PCDHGA10: variants seen among roughly 807,000 people sequenced by gnomAD.
PCDHGA10 encodes the protein protocadherin gamma-A10.
PCDHGA10 carries 42 observed loss-of-function variants against 59.5 expected under a neutral mutation model. The ratio of observed to expected loss-of-function variants is 0.71; its 90% CI spans 0.55 to 0.91. The LOEUF is 0.91. Among genes scored for constraint, PCDHGA10 ranks in the 40% least tolerant of loss-of-function variants. PCDHGA10 has a pLI of 0.00. For synonymous variants in PCDHGA10, 511 were observed against 517.2 expected, an observed-to-expected ratio of 0.99 and a Z score of 0.16; for missense variants, 1,111 against 1,198.2, an observed-to-expected ratio of 0.93 and a Z score of 1.07.
At chr5:141,506,351 A>G (rs1029519620) in intron 3 of PCDHGA10, among the ~76,000 whole-genome samples, 2 of 150,784 alleles carry the variant, frequency 1.3e-5, no homozygotes, top group African/African-American at 4.9e-5. Context: ...TGGGAGGCTG[A>G]GGCAGGAGAA....
chr5:141,485,920 T>G lies in PCDHGA10; in HGVS notation c.2437-8887T>G. 4 of 1,614,038 alleles carry G rather than the reference T, an allele frequency of 2.5e-6. No individual in the cohort carries two copies. Among genetic ancestry groups the G allele is most frequent in the Non-Finnish European group, 3.4e-6 (4 of 1,180,010 alleles). ...CCTTCCAGCAATCCAGCTACAGGAT[T>G]AGTGTGTTGGAGAGCGCACCAGCGG... On this transcript the variant is annotated intron_variant, in intron 1 of 3. Transcript: ENST00000398610. The surrounding 1 kb of genome is among the most constrained non-coding windows in gnomAD (Gnocchi z 5.7).
intron 1 of PCDHGA10, chr5:141,427,047 C>T (rs1196561600): frequency 1.1e-5 from 5 of 457,294 alleles, no homozygotes; most frequent in Non-Finnish European, 1.8e-5. Flanking sequence ...GAATGTGCCC[C>T]CAGGCACCTC....
At chr5:141,421,613 A>G in intron 1 of PCDHGA10, 2 of 1,613,838 alleles carry the variant, frequency 1.2e-6, no homozygotes, top group South Asian at 2.2e-5. Flanking sequence ...GATATTAATG[A>G]TAACGCCCCC....
rs575244490 is a variant in PCDHGA10 at position 141,415,189 on chromosome 5, A to T, written c.2014A>T (p.Ile672Phe). The change falls in exon 1 of 4, where the codon ATC becomes TTC. Residue 672 changes from isoleucine to phenylalanine, a missense_variant. Transcript: ENST00000398610. ...GCTCACCGTGGCCGTGGCCGACAGC[A>T]TCCCCCAAGTCCTGGCGGACCTCGG... The part of the protein sequence containing the change: ...VTLTVAVADS[I>F]PQVLADLGSF... 2 of 1,613,840 alleles carry T rather than the reference A, an allele frequency of 1.2e-6. No individual in the cohort carries two copies. Among genetic ancestry groups the T allele is most frequent in the Non-Finnish European group, 1.7e-6 (2 of 1,180,020 alleles).
At chr5:141,426,775 A>G (rs2096959432) in intron 1 of PCDHGA10, 1 of 456,496 alleles carries the variant, frequency 2.2e-6, no homozygotes, top group South Asian at 1.5e-5. Context: ...GTAGGGCCTC[A>G]CTCTCTCCAG....
intron 1 of PCDHGA10, among the ~76,000 whole-genome samples, chr5:141,479,817 A>T (rs773702225): frequency 6.6e-6 from 1 of 152,230 alleles, no homozygotes; most frequent in Non-Finnish European, 1.5e-5. Flanking sequence ...CAAGGATACT[A>T]TCCAAGGCAT....
chr5:141,510,510 G>A (rs1042950478), intron 3 of PCDHGA10, among the ~76,000 whole-genome samples: 5 of 152,132 alleles, frequency 3.3e-5, no homozygotes, highest in Non-Finnish European at 5.9e-5. Context: ...CTGAGAGCCC[G>A]TGTCACAGCC....
chr5:141,445,973 G>A (rs563637331), intron 1 of PCDHGA10, among the ~76,000 whole-genome samples: 28 of 152,326 alleles, frequency 1.8e-4, no homozygotes, highest in African/African-American at 6.0e-4. Flanking sequence ...ATTGATTTAT[G>A]AGGGTTATAA....
intron 1 of PCDHGA10, among the ~76,000 whole-genome samples, chr5:141,436,839 A>G (rs1247924864): frequency 6.6e-6 from 1 of 152,260 alleles, no homozygotes; most frequent in African/African-American, 2.4e-5. Flanking sequence ...GTGCCTAGGC[A>G]CATTCTTGAT....
At chr5:141,451,238 T>A (rs1167769789) in intron 1 of PCDHGA10, among the ~76,000 whole-genome samples, 6 of 152,214 alleles carry the variant, frequency 3.9e-5, no homozygotes, top group African/African-American at 1.4e-4. Context: ...TATTATCTCA[T>A]AAATTTTGTG....
chr5:141,436,859 A>G (rs550974791), intron 1 of PCDHGA10, among the ~76,000 whole-genome samples: 7 of 152,250 alleles, frequency 4.6e-5, no homozygotes, highest in Non-Finnish European at 1.0e-4. Flanking sequence ...TTGAGAAGCC[A>G]CAGTTTTAGG....
chr5:141,461,072 A>C (rs555905734), intron 1 of PCDHGA10, among the ~76,000 whole-genome samples: 1 of 151,688 alleles, frequency 6.6e-6, no homozygotes, highest in African/African-American at 2.4e-5. Context: ...ACATTTTTGC[A>C]ATTGTGAATT....
At chr5:141,418,815 T>A in intron 1 of PCDHGA10, 1 of 1,613,864 alleles carries the variant, frequency 6.2e-7, no homozygotes, top group East Asian at 2.2e-5. Flanking sequence ...ACGATAAACA[T>A]AGAAGCAAAA....
In PCDHGA10 at chr5:141,486,036, G is replaced by A. The variant is rs773301300; in HGVS notation, c.2437-8771G>A. ...TATTTCAGTGGTCATACCCCTGATC[G>A]TGTAAGAAACCTCTTTAGCCTGCAC... On this transcript the variant is annotated intron_variant, in intron 1 of 3. Transcript: ENST00000398610. This position sits in a 1 kb window ranked among gnomAD's most constrained non-coding sequence, Gnocchi z 5.0. 2.5e-6 allele frequency: 4 copies of A among 1,614,048 alleles called. No individual in the cohort carries two copies. Among genetic ancestry groups the A allele is most frequent in the Admixed American group, 1.7e-5 (1 of 60,004 alleles).
chr5:141,422,470 T>C, intron 1 of PCDHGA10: 1 of 1,613,440 alleles, frequency 6.2e-7, no homozygotes, highest in Non-Finnish European at 8.5e-7. Flanking sequence ...GGACAGGGAG[T>C]TGGTCCAGAG....
In PCDHGA10 at chr5:141,432,695, G is replaced by A. The variant is rs1275179569; in HGVS notation, c.2436+17084G>A. ...GCTCAAGCAGAGCCTCGTAGTGGCC[G>A]TCCAGGACCACGGCCAGCCCCCTCT... On this transcript the variant is annotated intron_variant, in intron 1 of 3. Coordinates refer to ENST00000398610, the MANE Select transcript of PCDHGA10 (RefSeq NM_018913.3). This position sits in a 1 kb window ranked among gnomAD's most constrained non-coding sequence, Gnocchi z 6.0. The A allele has an allele frequency of 3.1e-6, 5 of 1,613,822 alleles. No homozygotes were observed. The highest frequency in any genetic ancestry group is 1.7e-5 in the Admixed American group (1 of 60,002).
Position 141,476,162 on chromosome 5 carries a change from G to A in PCDHGA10, c.2437-18645G>A. 6.2e-7 allele frequency: 1 copy of A among 1,613,038 alleles called. No homozygotes were observed. Among genetic ancestry groups the A allele is most frequent in the South Asian group, 1.1e-5 (1 of 91,040 alleles). Reference sequence around the variant, plus strand: ...GAGCGGACTGGTAAGCACCGGGAGGGTAGTGGGAGTTTTGCTTCTGCTTGG... The same window carrying A: ...GAGCGGACTGGTAAGCACCGGGAGGATAGTGGGAGTTTTGCTTCTGCTTGG... On this transcript the variant is annotated intron_variant, in intron 1 of 3. Coordinates refer to ENST00000398610, the MANE Select transcript of PCDHGA10 (RefSeq NM_018913.3). The surrounding 1 kb of genome is among the most constrained non-coding windows in gnomAD (Gnocchi z 7.6).
At chr5:141,509,040 C>G (rs1217864661) in intron 3 of PCDHGA10, among the ~76,000 whole-genome samples, 1 of 152,132 alleles carries the variant, frequency 6.6e-6, no homozygotes, top group Non-Finnish European at 1.5e-5. Context: ...CAACCCCTCT[C>G]CCCCGCCCCC....
chr5:141,419,075 A>G, intron 1 of PCDHGA10: 1 of 1,613,968 alleles, frequency 6.2e-7, no homozygotes, highest in Non-Finnish European at 8.5e-7. Context: ...CAAGCTAGTA[A>G]CAGATGAGGC....
Sources: gnomAD v4.1 joint callset for allele counts (sites outside exome capture counted in the v4.1 genomes callset) on GRCh38, gnomAD v4.1.1 for gene constraint, Gnocchi (gnomAD v3.1) non-coding constraint, MANE v1.5 for transcripts, NCBI Gene and HGNC (gene_info 2026-07-23, HGNC 2026-07-21) for gene names.